The following SETX variants were observed in gnomAD, a reference collection of about 807,000 sequenced individuals.
The protein encoded by SETX is helicase senataxin.
Under a neutral mutation model 227.2 loss-of-function variants are expected in SETX, and 90 were observed. The observed-to-expected ratio is 0.40, with a 90% CI of 0.33 to 0.47. SETX has a LOEUF of 0.47. SETX is among the 20% of genes least tolerant of loss of function. The pLI is 0.91. For missense variants in SETX, 3,052 were observed against 3,181.5 expected, an observed-to-expected ratio of 0.96 and a Z score of 0.98; for synonymous variants, 1,210 against 1,113.2, an observed-to-expected ratio of 1.09 and a Z score of -1.73.
intron 13 of SETX, 45 bp from the exon 14 acceptor site, chr9:132,297,099 G>C (rs773223837): frequency 5.9e-6 from 9 of 1,515,572 alleles, no homozygotes; most frequent in Non-Finnish European, 8.1e-6. Context: ...TGTTTCTGTA[G>C]TGGAATTTGA....
At chr9:132,318,104 G>A (rs116475810) in intron 10 of SETX, among the ~76,000 whole-genome samples, 104 of 152,156 alleles carry the variant, frequency 6.8e-4, no homozygotes, top group African/African-American at 2.4e-3. Context: ...AGATCTGAGT[G>A]GACATTCTAG....
At chr9:132,350,190 T>A (rs894302534) in intron 2 of SETX, among the ~76,000 whole-genome samples, 48 of 152,084 alleles carry the variant, frequency 3.2e-4, no homozygotes, top group African/African-American at 1.1e-3. Flanking sequence ...CCATCTCTAC[T>A]AAAAAGAATA....
In SETX at chr9:132,334,523, C is replaced by T. The variant is rs145346952; in HGVS notation, c.838+85G>A. On this transcript the variant is annotated intron_variant, in intron 7 of 25. Transcript: ENST00000224140. ...GAAAAATTCTTTTCTCCACAACATA[C>T]ACCAATTCCTGCAGTGACACTATCA... is the stretch of plus-strand genomic sequence containing the variant. The T allele has an allele frequency of 5.4e-3, 7,876 of 1,455,232 alleles. 319 individuals are homozygous for T. In the East Asian group the frequency reaches 0.11, roughly 21 times the overall value. The allele number at this position is 1,455,232 out of a possible 1,614,324, so 90.1% of individuals were successfully genotyped here.
chr9:132,282,313 T>TGA (rs201239535), intron 19 of SETX, among the ~76,000 whole-genome samples: 14 of 149,870 alleles, frequency 9.3e-5, no homozygotes, highest in South Asian at 8.4e-4. Flanking sequence ...TTTTTTTTTT[T>TGA]GAGAGAGAGA....
In SETX at chr9:132,283,247, G is replaced by C. The variant is rs755701772; in HGVS notation, c.6546+17C>G. 40 of 1,613,912 alleles carry C rather than the reference G, an allele frequency of 2.5e-5. No individual in the cohort carries two copies. The Middle Eastern group carries it at 4.4e-3, about 179-fold the overall frequency. On this transcript the variant is annotated intron_variant, in intron 19 of 25. Transcript: ENST00000224140. Reference sequence around the variant, plus strand: ...TCATAGTAGTAGTCAAAGTTGTATGGCTGACCGTTCACTGACCTCATCAAC... The same window carrying C: ...TCATAGTAGTAGTCAAAGTTGTATGCCTGACCGTTCACTGACCTCATCAAC...
At chr9:132,295,694 G>A (rs914707091) in intron 15 of SETX, among the ~76,000 whole-genome samples, 178 bp downstream of exon 15, 1 of 149,756 alleles carries the variant, frequency 6.7e-6, no homozygotes, top group African/African-American at 2.6e-5. Context: ...TCAGTACCTG[G>A]CACAGGCCCT....
rs1395777178 is a variant in SETX, at chr9:132,327,096, T to C, written c.4502A>G (p.Asn1501Ser). 2.5e-6 allele frequency: 4 copies of C among 1,614,212 alleles called. No homozygotes were observed. The highest frequency in any genetic ancestry group is 1.6e-4 in the Middle Eastern group (1 of 6,062). ...AEEDNLFLTQ[N>S]DPEDMDLCSQ... The stretch of plus-strand genomic sequence containing the variant: ...ACATAAATCCATATCTTCAGGATCA[T>C]TTTGGGTTAAAAATAAGTTATCTTC... Residue 1501 changes from asparagine to serine, a missense_variant, in exon 10 of 26, where the codon AAT becomes AGT. Coordinates refer to ENST00000224140, the MANE Select transcript of SETX (RefSeq NM_015046.7).
chr9:132,353,058 G>T (rs1398249533), intron 2 of SETX, among the ~76,000 whole-genome samples: 1 of 152,032 alleles, frequency 6.6e-6, no homozygotes, highest in Non-Finnish European at 1.5e-5. Context: ...TTCTTTGATC[G>T]CCATCAATTC....
At chr9:132,293,113 T>C (rs1219887463) in intron 15 of SETX, among the ~76,000 whole-genome samples, 4 of 152,194 alleles carry the variant, frequency 2.6e-5, no homozygotes, top group Admixed American at 2.0e-4. Flanking sequence ...CCTTATTCCC[T>C]AAGAATCAAA....
Position 132,336,292 on chromosome 9 carries a change from T to C in SETX, c.718+4A>G. On this transcript the variant is annotated splice_donor_region_variant and intron_variant, in intron 6 of 25. Coordinates refer to ENST00000224140, the MANE Select transcript of SETX (RefSeq NM_015046.7). The stretch of plus-strand genomic sequence containing the variant: ...AATTATATTAGTGTAGGAATAATAC[T>C]CACCTAACCAATAGCTTTTGTAGTT... 1 of 1,603,050 alleles carries C rather than the reference T, an allele frequency of 6.2e-7. No homozygotes were observed. The highest frequency in any genetic ancestry group is 8.5e-7 in the Non-Finnish European group (1 of 1,169,884).
chr9:132,278,501 C>CT (rs1843310885), intron 20 of SETX, among the ~76,000 whole-genome samples: 1 of 123,098 alleles, frequency 8.1e-6, no homozygotes. Flanking sequence ...GTCACCCAGG[C>CT]TGGAGTGCAG....
rs375747001 is a variant in SETX at position 132,298,270 on chromosome 9, T to G, written c.5591A>C (p.Gln1864Pro). The G allele has an allele frequency of 8.2e-5, 133 of 1,613,986 alleles. No homozygotes were observed. Among genetic ancestry groups the G allele is most frequent in the Non-Finnish European group, 1.1e-4 (129 of 1,179,990 alleles). Residue 1864 changes from glutamine to proline, a missense_variant, in exon 13 of 26, where the codon CAA becomes CCA. Physicochemically the swap from Gln to Pro is moderately conservative, Grantham distance 76 (BLOSUM62 -1). This residue lies in a region of SETX where 239 missense variants were observed against 272.1 expected (regional missense o/e 0.88). Transcript: ENST00000224140. The stretch of plus-strand genomic sequence containing the variant: ...GTTTAAATTGGCCGGAAAGTTCTCT[T>G]GAGTCTGGATGGAAAGGTAACACTC... Reference protein sequence around the residue: ...KTECYLSIQTQENFPANLNEL... With the variant: ...KTECYLSIQTPENFPANLNEL...
At chr9:132,346,750 G>C (rs1848315350) in intron 3 of SETX, among the ~76,000 whole-genome samples, 1 of 149,816 alleles carries the variant, frequency 6.7e-6, no homozygotes, top group Non-Finnish European at 1.5e-5. Context: ...TCAGGAGTTC[G>C]AGACCAGCCT....
intron 25 of SETX, chr9:132,269,264 A>T: frequency 2.0e-6 from 1 of 495,664 alleles, no homozygotes; most frequent in Non-Finnish European, 3.3e-6. Flanking sequence ...CTCTGGCATT[A>T]AGCTGGGCCA....
At position 132,269,376 on chromosome 9, in the gene SETX, G is replaced by A. The variant is rs891532618; in HGVS notation, c.7287+239C>T. 2.0e-6 allele frequency: 3 copies of A among 1,469,284 alleles called. No homozygotes were observed. In the African/African-American group the frequency reaches 4.2e-5, roughly 21 times the overall value. 91.0% of individuals were successfully genotyped at this position (1,469,284 alleles called of 1,614,324 possible). On this transcript the variant is annotated intron_variant, in intron 25 of 25. Transcript: ENST00000224140. ...ACCTTCTTAACAATAATCCTATGAT[G>A]TGGATAATTTGTTTTAAAATGGTCA...
chr9:132,269,353 C>T (rs757804965), intron 25 of SETX: 3 of 1,351,882 alleles, frequency 2.2e-6, no homozygotes, highest in African/African-American at 3.0e-5. Context: ...TTTAATATAC[C>T]TTCTTAACAA....
chr9:132,264,860 T>A lies in SETX; in HGVS notation c.7413A>T (p.Arg2471Ser), dbSNP rs1382990384. ...CTATGGTAGGAGGGTGAGTGAGACT[T>A]CTCTGCAGCACAGGCTTGAGTTTCA... is the stretch of plus-strand genomic sequence containing the variant. ...KILKLKPVLQ[R>S]SLTHPPTIAP... Residue 2471 changes from arginine (R) to serine (S), a missense_variant, in exon 26 of 26, where the codon AGA becomes AGT. By Grantham distance (110) the Arg-to-Ser change is moderately radical. Coordinates refer to ENST00000224140, the MANE Select transcript of SETX (RefSeq NM_015046.7). The A allele has an allele frequency of 2.5e-6, 4 of 1,614,006 alleles. No individual in the cohort carries two copies. Among genetic ancestry groups the A allele is most frequent in the Admixed American group, 1.7e-5 (1 of 59,990 alleles).
At chr9:132,268,530 T>G (rs1842752669) in intron 25 of SETX, among the ~76,000 whole-genome samples, 2 of 152,112 alleles carry the variant, frequency 1.3e-5, no homozygotes, top group South Asian at 4.1e-4. Context: ...GTGAGAGAGG[T>G]GTAGATCAGT....
chr9:132,298,010 T>A (rs749721728), intron 13 of SETX, 70 bp downstream of exon 13: 170 of 1,285,652 alleles, frequency 1.3e-4, no homozygotes, highest in Non-Finnish European at 1.9e-4. Context: ...TAGGAATACA[T>A]AGCAGCTAAA....
Sources: gnomAD v4.1 joint callset for allele counts (sites outside exome capture counted in the v4.1 genomes callset) on GRCh38, gnomAD v4.1.1 for gene constraint, gnomAD v4.1.1 regional missense constraint, MANE v1.5 for transcripts, NCBI Gene and HGNC (gene_info 2026-07-23, HGNC 2026-07-21) for gene names.